The following XPOT variants were observed in gnomAD, a reference collection of about 807,000 sequenced individuals.
The protein encoded by XPOT is exportin-T.
XPOT carries 34 observed loss-of-function variants against 128.2 expected under a neutral mutation model. That is an observed-to-expected ratio of 0.27 (90% CI 0.20 to 0.35). The LOEUF (loss-of-function observed/expected upper bound fraction) is 0.35. Ranked by LOEUF, XPOT falls within the 10% of genes least tolerant of loss-of-function variation. XPOT has a pLI of 1.00. For missense variants in XPOT, 838 were observed against 1,125.3 expected (o/e 0.74, Z 3.65); for synonymous variants, 348 against 394.3 (o/e 0.88, Z 1.39).
chr12:64,449,505 G>A lies in XPOT; in HGVS notation c.*1374G>A, dbSNP rs1425361269. On this transcript the variant is annotated 3_prime_UTR_variant, in exon 25 of 25. Coordinates refer to ENST00000332707, the MANE Select transcript of XPOT (RefSeq NM_007235.6). ...TCTAAAAGCCCAATTGAGATGTTCA[G>A]GGAGGGTTTGTTTTGCCCTTTGGCC... 6.6e-6 allele frequency: 1 copy of A among 152,238 alleles called. No individual in the cohort carries two copies. Among genetic ancestry groups the A allele is most frequent in the African/African-American group, 2.4e-5 (1 of 41,466 alleles). The allele number at this position is 152,238 out of a possible 1,614,324, so 9.4% of individuals were successfully genotyped here.
In XPOT at chr12:64,428,111, T is replaced by C; in HGVS notation, c.1728T>C (p.Leu576=). 1 of 1,558,260 alleles carries C rather than the reference T, an allele frequency of 6.4e-7. No individual in the cohort carries two copies. The highest frequency in any genetic ancestry group is 8.8e-7 in the Non-Finnish European group (1 of 1,131,482). Residue 576 remains leucine (L), a synonymous_variant, in exon 16 of 25, where the codon CTT becomes CTC. Transcript: ENST00000332707. The stretch of plus-strand genomic sequence containing the variant: ...ATAGAATACAAGATTTATTAGAGCT[T>C]TCTCCACCTGTAAGTATCTGTCTCT... The part of the protein sequence containing the change: ...ILNRIQDLLE[L]SPPENGHQSL...
chr12:64,405,185 A>C (rs184645838), intron 1 of XPOT: 1 of 152,512 alleles, frequency 6.6e-6, no homozygotes, highest in East Asian at 1.9e-4. Context: ...TGGAGACCTC[A>C]AACTTGATTC....
At chr12:64,424,834 T>G in intron 12 of XPOT, 111 bp downstream of exon 12, 1 of 1,425,548 alleles carries the variant, frequency 7.0e-7, no homozygotes, top group South Asian at 1.3e-5. Context: ...TATTGAGATC[T>G]TATGTGTATC....
At chr12:64,407,128 A>G (rs2039991042) in intron 1 of XPOT, among the ~76,000 whole-genome samples, 1 of 152,190 alleles carries the variant, frequency 6.6e-6, no homozygotes, top group African/African-American at 2.4e-5. Context: ...TTTGAAATCC[A>G]AAACCTATGC....
At position 64,430,279 on chromosome 12, in the gene XPOT, A is replaced by G; in HGVS notation, c.1968A>G (p.Gly656=). ...CAGACTGTCTTAACCATGCTGTTGG[A>G]TTTGCAAGGTAAGTGTGATCACAGT... The part of the protein sequence containing the change: ...SLADCLNHAV[G]FASRTSKAFS... The change falls in exon 17 of 25, where the codon GGA becomes GGG. Residue 656 remains glycine, a synonymous_variant. Coordinates refer to ENST00000332707, the MANE Select transcript of XPOT (RefSeq NM_007235.6). 2 of 1,574,068 alleles carry G rather than the reference A, an allele frequency of 1.3e-6. No individual in the cohort carries two copies. Among genetic ancestry groups the G allele is most frequent in the South Asian group, 1.2e-5 (1 of 83,598 alleles).
chr12:64,421,299 T>C lies in XPOT; in HGVS notation c.908T>C (p.Ile303Thr), dbSNP rs1166089920. The change falls in exon 9 of 25, where the codon ATA becomes ACA. Residue 303 changes from isoleucine to threonine, a missense_variant. Transcript: ENST00000332707. ...GTAAATGGAATGGGACAGTCATTGATAGTTAGTTGGAGTAAATTAATTAAG... is the reference window on the plus strand; with the variant it reads ...GTAAATGGAATGGGACAGTCATTGACAGTTAGTTGGAGTAAATTAATTAAG... ...KLVNGMGQSL[I>T]VSWSKLIKNG... 59 of 1,614,000 alleles carry C rather than the reference T, an allele frequency of 3.7e-5. No homozygotes were observed. Among genetic ancestry groups the C allele is most frequent in the Non-Finnish European group, 4.9e-5 (58 of 1,179,928 alleles).
chr12:64,445,584 CAAA>C (rs750267925), intron 24 of XPOT, among the ~76,000 whole-genome samples: 2 of 151,854 alleles, frequency 1.3e-5, no homozygotes, highest in African/African-American at 2.4e-5. Context: ...TGTAAATCAA[CAAA>C]AAGTGTCACG....
At chr12:64,411,245 T>C (rs1240520069) in intron 2 of XPOT, among the ~76,000 whole-genome samples, 1 of 152,256 alleles carries the variant, frequency 6.6e-6, no homozygotes. Flanking sequence ...TTATGCTACC[T>C]ACCTTCAAAC....
At chr12:64,415,405 C>G (rs1045767743) in intron 3 of XPOT, among the ~76,000 whole-genome samples, 1 of 151,664 alleles carries the variant, frequency 6.6e-6, no homozygotes, top group Non-Finnish European at 1.5e-5. Flanking sequence ...GATGGAGTCT[C>G]GCTTTGTCGC....
At chr12:64,445,639 G>A (rs1322707494) in intron 24 of XPOT, among the ~76,000 whole-genome samples, 1 of 152,084 alleles carries the variant, frequency 6.6e-6, no homozygotes, top group Non-Finnish European at 1.5e-5. Context: ...TTCATGAGAT[G>A]AAACTGTCTT....
chr12:64,436,316 T>G (rs534088055), intron 22 of XPOT, among the ~76,000 whole-genome samples: 1 of 152,170 alleles, frequency 6.6e-6, no homozygotes, highest in African/African-American at 2.4e-5. Flanking sequence ...AATGCAGTGG[T>G]GCAATCTGGG....
At chr12:64,427,948 A>G (rs1429248308) in intron 15 of XPOT, 103 bp from the exon 16 acceptor site, 2 of 740,328 alleles carry the variant, frequency 2.7e-6, no homozygotes, top group East Asian at 5.4e-5. Context: ...TGACTAGCCT[A>G]CAACTGAACT....
chr12:64,445,166 AT>A, intron 24 of XPOT, 35 bp downstream of exon 24: 1 of 1,513,390 alleles, frequency 6.6e-7, no homozygotes. Context: ...TCTTCATACA[AT>A]TAGGTAATGT....
chr12:64,410,104 C>T lies in XPOT; in HGVS notation c.60+9C>T, dbSNP rs764311822. 6.2e-7 allele frequency: 1 copy of T among 1,613,102 alleles called. No individual in the cohort carries two copies. The highest frequency in any genetic ancestry group is 8.5e-7 in the Non-Finnish European group (1 of 1,179,500). On this transcript the variant is annotated intron_variant, in intron 2 of 24. Coordinates refer to ENST00000332707, the MANE Select transcript of XPOT (RefSeq NM_007235.6). ...CAGACTTTAGACAAAGGGTAAGTTA[C>T]TCTGCTGAATCATTTTTTAATCATG...
chr12:64,421,244 G>A lies in XPOT; in HGVS notation c.853G>A (p.Val285Ile). ...TCTTGATTGCTTATAGGAAGAAGAT[G>A]TTGACTTCCTGGCCAGATTTTCTAA... ...GFFSIDQEED[V>I]DFLARFSKLV... Residue 285 changes from valine (V) to isoleucine (I), a missense_variant, in exon 9 of 25, where the codon GTT (valine) becomes ATT (isoleucine). Physicochemically the swap from Val to Ile is conservative, Grantham distance 29. This residue lies in a region of XPOT where 761 missense variants were observed against 988.3 expected (regional missense o/e 0.77). Transcript: ENST00000332707. 6.2e-7 allele frequency: 1 copy of A among 1,613,290 alleles called. No individual in the cohort carries two copies. The highest frequency in any genetic ancestry group is 8.5e-7 in the Non-Finnish European group (1 of 1,179,316).
At chr12:64,427,958 T>C in intron 15 of XPOT, 93 bp from the exon 16 acceptor site, 1 of 840,012 alleles carries the variant, frequency 1.2e-6, no homozygotes, top group Non-Finnish European at 1.9e-6. Context: ...ACAACTGAAC[T>C]TTTTTTTAGT....
intron 18 of XPOT, 43 bp downstream of exon 18, chr12:64,431,866 G>A: frequency 6.3e-7 from 1 of 1,576,796 alleles, no homozygotes; most frequent in Non-Finnish European, 8.6e-7. Context: ...TTGAAGATCA[G>A]ATGTATTTAT....
At chr12:64,432,962 T>C (rs1324398252) in intron 18 of XPOT, among the ~76,000 whole-genome samples, 1 of 152,110 alleles carries the variant, frequency 6.6e-6, no homozygotes, top group Non-Finnish European at 1.5e-5. Flanking sequence ...CACCTTGAAA[T>C]GGAGTCTTGC....
At chr12:64,436,627 C>T (rs1402702942) in intron 22 of XPOT, among the ~76,000 whole-genome samples, 1 of 152,026 alleles carries the variant, frequency 6.6e-6, no homozygotes, top group Admixed American at 6.6e-5. Flanking sequence ...GTTACCCAGG[C>T]TGGAGTGCAG....
Sources: allele counts gnomAD v4.1 joint callset (sites outside exome capture counted in the v4.1 genomes callset), GRCh38; gene constraint gnomAD v4.1.1; regional missense constraint gnomAD v4.1.1; transcripts MANE v1.5; gene names NCBI Gene and HGNC (gene_info 2026-07-23, HGNC 2026-07-21).